The following ETV7 variants were observed in gnomAD, a reference collection of about 807,000 sequenced individuals.
ETV7 encodes the protein ETS variant transcription factor 7.
Under a neutral mutation model 39.1 loss-of-function variants are expected in ETV7, and 43 were observed. That is an observed-to-expected ratio of 1.10 (90% CI 0.86 to 1.42). The LOEUF is 1.42. ETV7 is among the 40% of genes most tolerant of loss of function. The pLI, the probability that ETV7 is intolerant of heterozygous loss-of-function variation, is 0.00. For synonymous variants in ETV7, 196 were observed against 176.6 expected (o/e 1.11, Z -0.87); for missense variants, 432 against 442.3 (o/e 0.98, Z 0.21).
chr6:36,363,510 G>C (rs577504180), downstream of ETV7, among the ~76,000 whole-genome samples: 8 of 152,370 alleles, frequency 5.3e-5, no homozygotes, highest in African/African-American at 1.4e-4. Context: ...GCTGGCTTCA[G>C]GAGTGAAGCT....
At chr6:36,375,451 A>G (rs1167524570) in intron 3 of ETV7, among the ~76,000 whole-genome samples, 41 of 152,120 alleles carry the variant, frequency 2.7e-4, no homozygotes, top group Admixed American at 2.7e-3. Flanking sequence ...TTAAAATCAA[A>G]AGTCATATTG....
At chr6:36,375,778 C>A in intron 3 of ETV7, 93 bp downstream of exon 3, 1 of 1,587,718 alleles carries the variant, frequency 6.3e-7, no homozygotes, top group South Asian at 1.1e-5. Flanking sequence ...AGGAAGACCC[C>A]TCCATCTCCC....
At chr6:36,376,735 G>A (rs538793324) in intron 2 of ETV7, among the ~76,000 whole-genome samples, 72 of 149,164 alleles carry the variant, frequency 4.8e-4, no homozygotes, top group African/African-American at 1.3e-3. Context: ...GAGATCATGC[G>A]ACTGCACTCC....
intron 4 of ETV7, among the ~76,000 whole-genome samples, chr6:36,372,323 G>A (rs1030688423): frequency 2.6e-5 from 4 of 152,248 alleles, no homozygotes; most frequent in Middle Eastern, 3.4e-3. Context: ...GCAGGAGCAC[G>A]GGGGAGAAGG....
At position 36,387,565 on chromosome 6, in the gene ETV7, C is replaced by G. The variant is rs1489983172; in HGVS notation, c.-24G>C. On this transcript the variant is annotated 5_prime_UTR_variant, in exon 1 of 8. Coordinates refer to ENST00000340181, the MANE Select transcript of ETV7 (RefSeq NM_016135.4). ...ATTACAGGTGGAGGTGAGGAAGCCA[C>G]CGGCTTTCTGTCTTGAGCGCTCCCC... 23 of 1,613,832 alleles carry G rather than the reference C, an allele frequency of 1.4e-5. No individual in the cohort carries two copies. The highest frequency in any genetic ancestry group is 1.9e-5 in the Non-Finnish European group (23 of 1,180,006).
chr6:36,360,555 A>G (rs924333958), intron 7 of ETV7, among the ~76,000 whole-genome samples: 2 of 152,074 alleles, frequency 1.3e-5, no homozygotes, highest in African/African-American at 4.8e-5. Flanking sequence ...GTCTACTTAC[A>G]GAGCATGCCT....
chr6:36,379,390 A>T (rs954136790), intron 2 of ETV7, among the ~76,000 whole-genome samples: 155 of 151,944 alleles, frequency 1.0e-3, no homozygotes, highest in Middle Eastern at 3.4e-3. Flanking sequence ...CAAACAAAAA[A>T]ATTTTTTTTA....
downstream of ETV7, among the ~76,000 whole-genome samples, chr6:36,361,699 G>A (rs188340099): frequency 7.2e-5 from 11 of 152,364 alleles, no homozygotes; most frequent in Admixed American, 2.6e-4. Context: ...GGTTAATGCT[G>A]TAAATGGTTC....
downstream of ETV7, among the ~76,000 whole-genome samples, chr6:36,363,540 G>A (rs77957655): frequency 0.083 from 12,665 of 152,286 alleles, 1,090 homozygotes; most frequent in African/African-American, 0.21. Flanking sequence ...CGCACTAAGC[G>A]TTACAGCTAA....
intron 3 of ETV7, 183 bp downstream of exon 3, chr6:36,375,688 G>C: frequency 2.2e-6 from 2 of 898,876 alleles, no homozygotes; most frequent in Non-Finnish European, 3.4e-6. Flanking sequence ...CTTGCTGAAG[G>C]CCTGCTCTAG....
Position 36,375,984 on chromosome 6 carries a change from C to T in ETV7, c.194G>A (p.Trp65Ter). Residue 65 changes from tryptophan (W) to a stop codon, truncating the protein, a stop_gained, in exon 3 of 8, where the codon TGG becomes TAG. Coordinates refer to ENST00000340181, the MANE Select transcript of ETV7 (RefSeq NM_016135.4). LOFTEE classifies it high-confidence loss of function. ...SREDVLHWLRWAEQEYSLPCT... is the reference protein window; with the variant it reads ...SREDVLHWLR ...TGGCAGAGAGTACTCCTGCTCTGCC[C>T]AGCGCAGCCAGTGCAGCACGTCCTC... 4 of 1,611,630 alleles carry T rather than the reference C, an allele frequency of 2.5e-6. No homozygotes were observed. The highest frequency in any genetic ancestry group is 1.7e-6 in the Non-Finnish European group (2 of 1,180,002).
intron 3 of ETV7, 39 bp downstream of exon 3, chr6:36,375,832 G>C (rs1472658298): frequency 6.2e-7 from 1 of 1,612,962 alleles, no homozygotes; most frequent in African/African-American, 1.3e-5. Flanking sequence ...TGGCCTACCA[G>C]GGTTCCCGCT....
chr6:36,366,218 A>G lies in ETV7; in HGVS notation c.*427T>C, dbSNP rs1772707714. 2.0e-6 allele frequency: 2 copies of G among 1,017,834 alleles called. No individual in the cohort carries two copies. The highest frequency in any genetic ancestry group is 2.4e-6 in the Non-Finnish European group (2 of 849,042). The allele number at this position is 1,017,834 out of a possible 1,614,324, so 63.1% of individuals were successfully genotyped here. On this transcript the variant is annotated 3_prime_UTR_variant, in exon 8 of 8. Coordinates refer to ENST00000340181, the MANE Select transcript of ETV7 (RefSeq NM_016135.4). ...ATCAGCTACCATTGTTTTTATTGTT[A>G]CTGAGGCTGTCAGTGCCGCCTGGAA...
intron 2 of ETV7, among the ~76,000 whole-genome samples, chr6:36,382,143 G>C (rs551628832): frequency 5.3e-5 from 8 of 152,126 alleles, no homozygotes; most frequent in Non-Finnish European, 1.2e-4. Flanking sequence ...ATGATCTAGG[G>C]CAGCATTTCT....
downstream of ETV7, among the ~76,000 whole-genome samples, chr6:36,361,267 T>C (rs1342013622): frequency 6.6e-6 from 1 of 152,164 alleles, no homozygotes; most frequent in African/African-American, 2.4e-5. Context: ...CTGAGGGAGC[T>C]CGCCAGCAGC....
At chr6:36,367,453 A>G (rs117707133) in intron 6 of ETV7, among the ~76,000 whole-genome samples, 8 of 151,468 alleles carry the variant, frequency 5.3e-5, no homozygotes, top group Admixed American at 3.3e-4. Context: ...AAAAAGAAAG[A>G]AAGGAAGGAA....
intron 7 of ETV7, among the ~76,000 whole-genome samples, chr6:36,357,091 T>C (rs371805892): frequency 6.6e-6 from 1 of 152,268 alleles, no homozygotes; most frequent in Non-Finnish European, 1.5e-5. Flanking sequence ...GAGAAACCTA[T>C]GTTTTAATCT....
At chr6:36,376,485 G>C (rs1256788100) in intron 2 of ETV7, among the ~76,000 whole-genome samples, 1 of 152,158 alleles carries the variant, frequency 6.6e-6, no homozygotes, top group Non-Finnish European at 1.5e-5. Context: ...CCCAATGAAA[G>C]GGGTGTTACT....
In ETV7 at chr6:36,366,580, T is replaced by A; in HGVS notation, c.*65A>T. The stretch of plus-strand genomic sequence containing the variant: ...CCTGCTGCTCTGCTGGGAGGAGGAG[T>A]CTGCCTTCATGGGAGACTCGGTCCC... On this transcript the variant is annotated 3_prime_UTR_variant, in exon 8 of 8. Coordinates refer to ENST00000340181, the MANE Select transcript of ETV7 (RefSeq NM_016135.4). 2 of 1,607,746 alleles carry A rather than the reference T, an allele frequency of 1.2e-6. No homozygotes were observed. Among genetic ancestry groups the A allele is most frequent in the South Asian group, 1.1e-5 (1 of 90,812 alleles).
Sources: gnomAD v4.1 joint callset for allele counts (sites outside exome capture counted in the v4.1 genomes callset) on GRCh38, gnomAD v4.1.1 for gene constraint, MANE v1.5 for transcripts, NCBI Gene and HGNC (gene_info 2026-07-23, HGNC 2026-07-21) for gene names.